The following MAGI1 variants were observed in gnomAD, a reference collection of about 807,000 sequenced individuals.
MAGI1 encodes the protein membrane-associated guanylate kinase, WW and PDZ domain-containing protein 1.
Under a neutral mutation model 139.9 loss-of-function variants are expected in MAGI1, and 58 were observed. The observed-to-expected ratio is 0.41, with a 90% CI of 0.34 to 0.52. The LOEUF (loss-of-function observed/expected upper bound fraction) is 0.52, where lower values mean the gene tolerates loss of function less well. MAGI1 is among the 20% of genes least tolerant of loss of function. MAGI1 has a pLI of 0.12. For missense variants in MAGI1, 1,874 were observed against 1,901.6 expected (o/e 0.99, Z 0.27); for synonymous variants, 812 against 737.9 (o/e 1.10, Z -1.63).
intron 1 of MAGI1, among the ~76,000 whole-genome samples, chr3:65,763,532 A>G (rs893971746): frequency 2.6e-5 from 4 of 152,148 alleles, no homozygotes; most frequent in Non-Finnish European, 5.9e-5. Context: ...TTTCTATAGT[A>G]ACTCATTTAA....
chr3:65,447,779 C>T (rs1486267855), intron 7 of MAGI1, among the ~76,000 whole-genome samples: 2 of 152,186 alleles, frequency 1.3e-5, no homozygotes, highest in East Asian at 1.9e-4. Flanking sequence ...TGCTAACTCT[C>T]GTTCTAGTCT....
intron 1 of MAGI1, among the ~76,000 whole-genome samples, chr3:66,004,804 A>G (rs998798527): frequency 6.6e-6 from 1 of 152,202 alleles, no homozygotes; most frequent in African/African-American, 2.4e-5. Flanking sequence ...GCAGATTTAA[A>G]GCAAACTCTG....
intron 2 of MAGI1, among the ~76,000 whole-genome samples, chr3:65,557,451 A>T (rs2080140002): frequency 6.6e-6 from 1 of 152,190 alleles, no homozygotes; most frequent in South Asian, 2.1e-4. Context: ...TATCCTCATG[A>T]GAGTTCTTGA....
chr3:65,595,555 A>G (rs1282314320), intron 2 of MAGI1, among the ~76,000 whole-genome samples: 1 of 152,140 alleles, frequency 6.6e-6, no homozygotes, highest in African/African-American at 2.4e-5. Flanking sequence ...TCAAACACAC[A>G]TGCCCATGCT....
At chr3:66,021,555 C>A (rs2067960359) in intron 1 of MAGI1, among the ~76,000 whole-genome samples, 1 of 152,192 alleles carries the variant, frequency 6.6e-6, no homozygotes, top group South Asian at 2.1e-4. Context: ...TGTTAGATAA[C>A]TGGAAGAAAG....
intron 1 of MAGI1, among the ~76,000 whole-genome samples, chr3:65,641,828 C>T (rs1380469724): frequency 1.3e-5 from 2 of 152,188 alleles, no homozygotes; most frequent in Non-Finnish European, 2.9e-5. Flanking sequence ...TTTGATGTCT[C>T]TCACTGTGGC....
At chr3:65,836,072 C>T (rs2042788642) in intron 1 of MAGI1, among the ~76,000 whole-genome samples, 1 of 152,108 alleles carries the variant, frequency 6.6e-6, no homozygotes, top group Non-Finnish European at 1.5e-5. Flanking sequence ...ATCCACATTT[C>T]CCAAGGGGCA....
chr3:65,697,674 A>C (rs1328163863), intron 1 of MAGI1, among the ~76,000 whole-genome samples: 2 of 110,116 alleles, frequency 1.8e-5, no homozygotes, highest in Admixed American at 8.3e-5. Flanking sequence ...AAATTCAATA[A>C]CCCTTCATGC....
intron 1 of MAGI1, among the ~76,000 whole-genome samples, chr3:65,878,503 G>C (rs982304166): frequency 1.5e-5 from 2 of 136,524 alleles, no homozygotes; most frequent in African/African-American, 5.7e-5. Flanking sequence ...ACAACAGAGC[G>C]AGACTCAGTC....
In MAGI1 at chr3:65,442,180, G is replaced by A. The variant is rs561667768; in HGVS notation, c.1136+612C>T. 6.6e-5 allele frequency among the ~76,000 whole-genome samples: 10 copies of A among 151,234 alleles called. No homozygotes were observed. The South Asian group carries it at 1.5e-3, about 22-fold the overall frequency. ...AGGAAAAAGTGGGAGCCCAATGCTA[G>A]AATAAGGCACACAGTAAAGTCACGA... On this transcript the variant is annotated intron_variant, in intron 8 of 22. Coordinates refer to ENST00000402939, the MANE Select transcript of MAGI1 (RefSeq NM_001033057.2).
intron 10 of MAGI1, among the ~76,000 whole-genome samples, chr3:65,435,496 A>C (rs1350566573): frequency 2.0e-5 from 3 of 151,780 alleles, no homozygotes; most frequent in Non-Finnish European, 4.4e-5. Context: ...GGATGGATGG[A>C]TGGATGGAAG....
intron 1 of MAGI1, among the ~76,000 whole-genome samples, chr3:65,958,381 C>T (rs1296894546): frequency 6.6e-6 from 1 of 152,174 alleles, no homozygotes; most frequent in Non-Finnish European, 1.5e-5. Context: ...CCAATAAAGA[C>T]CTGCTTATTG....
intron 14 of MAGI1, among the ~76,000 whole-genome samples, chr3:65,389,553 G>A (rs559084625): frequency 2.0e-5 from 3 of 152,252 alleles, no homozygotes; most frequent in African/African-American, 7.2e-5. Context: ...AAATGCGCGG[G>A]GAATGTGAAA....
intron 1 of MAGI1, among the ~76,000 whole-genome samples, chr3:65,763,880 G>A (rs1279074246): frequency 1.3e-5 from 2 of 151,982 alleles, no homozygotes; most frequent in Admixed American, 6.6e-5. Flanking sequence ...AGACCAGCCT[G>A]GGCAACATGG....
At chr3:65,878,453 T>C (rs1488198436) in intron 1 of MAGI1, among the ~76,000 whole-genome samples, 1 of 150,324 alleles carries the variant, frequency 6.7e-6, no homozygotes, top group East Asian at 2.0e-4. Flanking sequence ...GAAGCAGAGG[T>C]TGCAGTGAGC....
intron 1 of MAGI1, among the ~76,000 whole-genome samples, chr3:65,944,431 T>G: frequency 6.6e-6 from 1 of 151,550 alleles, no homozygotes; most frequent in African/African-American, 2.4e-5. Context: ...GGTTGGAGGA[T>G]AGTTTGAGCC....
chr3:65,371,840 TATC>T, intron 18 of MAGI1: 1 of 398,772 alleles, frequency 2.5e-6, no homozygotes, highest in South Asian at 1.9e-5. Flanking sequence ...GTTCAAGTTT[TATC>T]ATGAGATTAC....
chr3:65,950,059 C>CAAAAAAAGAA (rs1264298678), intron 1 of MAGI1, among the ~76,000 whole-genome samples: 1 of 13,464 alleles, frequency 7.4e-5, no homozygotes, highest in Non-Finnish European at 1.4e-4. Flanking sequence ...AAAAAAAAAA[C>CAAAAAAAGAA]AAAAAAACAA....
At chr3:65,891,215 CAA>C (rs58690899) in intron 1 of MAGI1, among the ~76,000 whole-genome samples, 8 of 102,196 alleles carry the variant, frequency 7.8e-5, no homozygotes, top group African/African-American at 4.7e-5. Flanking sequence ...AAAACACACA[CAA>C]AAAAAAAAAA....
Sources: allele counts gnomAD v4.1 joint callset (sites outside exome capture counted in the v4.1 genomes callset), GRCh38; gene constraint gnomAD v4.1.1; transcripts MANE v1.5; gene names NCBI Gene and HGNC (gene_info 2026-07-23, HGNC 2026-07-21).